Variants in TRAPPC12 observed in about 807,000 individuals in gnomAD.
The protein encoded by TRAPPC12 is trafficking protein particle complex subunit 12, also known as TPR repeat protein 15.
A neutral mutation model predicts 69.2 loss-of-function variants in TRAPPC12; 61 were observed. The ratio of observed to expected loss-of-function variants is 0.88; its 90% CI spans 0.72 to 1.09. The LOEUF (loss-of-function observed/expected upper bound fraction) is 1.09, where lower values mean the gene tolerates loss of function less well. Ranked by LOEUF, TRAPPC12 falls within the 50% of genes least tolerant of loss-of-function variation. The pLI, the probability that TRAPPC12 is intolerant of heterozygous loss-of-function variation, is 0.00. For missense variants in TRAPPC12, 1,101 were observed against 1,016.4 expected (o/e 1.08, Z -1.13); for synonymous variants, 469 against 438.9 (o/e 1.07, Z -0.86).
chr2:3,388,464 G>T lies in TRAPPC12; in HGVS notation c.841G>T (p.Ala281Ser), dbSNP rs142941546. 9 of 1,611,880 alleles carry T rather than the reference G, an allele frequency of 5.6e-6. No homozygotes were observed. Among genetic ancestry groups the T allele is most frequent in the Non-Finnish European group, 6.8e-6 (8 of 1,179,434 alleles). The part of the protein sequence containing the change: ...AAPPASPEPF[A>S]HIQAVFAGSD... ...GCCCCCGGCGTCGCCAGAGCCTTTC[G>T]CGCACATCCAGGCAGTGTTTGCAGG... Residue 281 changes from alanine (A) to serine (S), a missense_variant, in exon 2 of 12, where the codon GCG becomes TCG. Physicochemically the swap from Ala to Ser is moderately conservative, Grantham distance 99. Transcript: ENST00000324266.
chr2:3,388,892 A>G (rs2103433252), intron 2 of TRAPPC12: 2 of 478,312 alleles, frequency 4.2e-6, no homozygotes, highest in East Asian at 3.4e-5. Flanking sequence ...AGGTAGAAAT[A>G]AATACCACCA....
chr2:3,459,512 G>A (rs13398323), intron 7 of TRAPPC12, among the ~76,000 whole-genome samples: 1 of 152,186 alleles, frequency 6.6e-6, no homozygotes, highest in Non-Finnish European at 1.5e-5. Flanking sequence ...CCCCAAGAAG[G>A]CCACAAAGCC....
chr2:3,396,071 G>T (rs987183409), intron 2 of TRAPPC12, among the ~76,000 whole-genome samples: 76 of 152,148 alleles, frequency 5.0e-4, no homozygotes, highest in African/African-American at 1.6e-3. Context: ...CACCACATTG[G>T]CCAGGCTGGT....
chr2:3,423,322 TTG>T (rs34767789), intron 4 of TRAPPC12, among the ~76,000 whole-genome samples: 7,336 of 148,964 alleles, frequency 0.049, 237 homozygotes, highest in African/African-American at 0.077. Flanking sequence ...TCGCATGCCT[TTG>T]TGTGTGTGTG....
In TRAPPC12 at chr2:3,390,544, A is replaced by G. The variant is rs763302863; in HGVS notation, c.1047+1874A>G. On this transcript the variant is annotated intron_variant, in intron 2 of 11. Coordinates refer to ENST00000324266, the MANE Select transcript of TRAPPC12 (RefSeq NM_016030.6). ...TGACTCACCTCATCTTTGCAATGGA[A>G]TATTTATGTAAGTTTTTAAAATGAT... Among the ~76,000 whole-genome samples the G allele has an allele frequency of 9.9e-5, 15 of 152,222 alleles. 1 individual carries two copies. Among genetic ancestry groups the G allele is most frequent in the Non-Finnish European group, 1.9e-4 (13 of 68,022 alleles).
chr2:3,424,090 G>A (rs1174751437), intron 4 of TRAPPC12, among the ~76,000 whole-genome samples: 1 of 152,196 alleles, frequency 6.6e-6, no homozygotes, highest in Non-Finnish European at 1.5e-5. Flanking sequence ...ACTAGGTGGC[G>A]CATTCCTTTG....
At chr2:3,416,192 C>A (rs1449146699) in intron 3 of TRAPPC12, among the ~76,000 whole-genome samples, 1 of 152,124 alleles carries the variant, frequency 6.6e-6, no homozygotes, top group South Asian at 2.1e-4. Context: ...TTAGTAGATG[C>A]TTCTTAAGTG....
At chr2:3,383,538 C>T (rs1040329062) in intron 1 of TRAPPC12, among the ~76,000 whole-genome samples, 3 of 151,564 alleles carry the variant, frequency 2.0e-5, no homozygotes, top group Admixed American at 2.0e-4. Context: ...AGCAGAGTAG[C>T]TGGGATTACA....
chr2:3,451,952 G>GGCA (rs1664874128), intron 6 of TRAPPC12, among the ~76,000 whole-genome samples: 1 of 152,180 alleles, frequency 6.6e-6, no homozygotes, highest in Non-Finnish European at 1.5e-5. Context: ...CCTGTGTGTT[G>GGCA]ACCATCAGTT....
At chr2:3,436,622 C>G (rs184295785) in intron 5 of TRAPPC12, among the ~76,000 whole-genome samples, 1 of 152,090 alleles carries the variant, frequency 6.6e-6, no homozygotes, top group African/African-American at 2.4e-5. Context: ...AGGGCTCACT[C>G]TTGGTGTTGT....
chr2:3,475,364 C>T (rs564253400), intron 9 of TRAPPC12, among the ~76,000 whole-genome samples: 63 of 152,112 alleles, frequency 4.1e-4, no homozygotes, highest in Non-Finnish European at 6.9e-4. Context: ...CCTCCCACCT[C>T]GGCCTCCCAA....
At chr2:3,442,418 A>G (rs545857418) in intron 5 of TRAPPC12, among the ~76,000 whole-genome samples, 9 of 152,318 alleles carry the variant, frequency 5.9e-5, no homozygotes, top group Admixed American at 1.3e-4. Flanking sequence ...CCACAGTGAC[A>G]TGACTTACAT....
intron 10 of TRAPPC12, chr2:3,478,099 T>TTCTGGATCCTGTGCTCTGGTGTTCTGTG: frequency 4.8e-6 from 1 of 208,828 alleles, no homozygotes; most frequent in Non-Finnish European, 9.4e-6. Flanking sequence ...GTAGCGGCCG[T>TTCTGGATCCTGTGCTCTGGTGTTCTGTG]TCTGGATCCT....
chr2:3,410,970 C>T (rs1199966609), intron 3 of TRAPPC12, among the ~76,000 whole-genome samples: 1 of 152,168 alleles, frequency 6.6e-6, no homozygotes, highest in Non-Finnish European at 1.5e-5. Flanking sequence ...GCGGAGGTTG[C>T]AGTGAGCCAA....
intron 3 of TRAPPC12, among the ~76,000 whole-genome samples, chr2:3,417,594 C>T (rs1271504266): frequency 6.6e-6 from 1 of 152,108 alleles, no homozygotes; most frequent in African/African-American, 2.4e-5. Context: ...CCTTGTGTCC[C>T]CCCGAGCCTA....
intron 5 of TRAPPC12, among the ~76,000 whole-genome samples, chr2:3,425,284 C>G (rs1020556533): frequency 2.0e-5 from 3 of 152,098 alleles, no homozygotes; most frequent in African/African-American, 7.2e-5. Context: ...GGTGGAGAAC[C>G]TCATAAATAT....
chr2:3,474,587 G>C (rs954791345), intron 9 of TRAPPC12, among the ~76,000 whole-genome samples: 1 of 152,236 alleles, frequency 6.6e-6, no homozygotes, highest in Non-Finnish European at 1.5e-5. Flanking sequence ...CTGACCATGT[G>C]TTGCTCTTAA....
intron 3 of TRAPPC12, among the ~76,000 whole-genome samples, chr2:3,421,013 C>T (rs561048966): frequency 5.3e-5 from 8 of 152,294 alleles, no homozygotes; most frequent in African/African-American, 1.4e-4. Flanking sequence ...CACTAACCTC[C>T]CCGCCAGCCT....
At chr2:3,468,221 C>T (rs565946326) in intron 9 of TRAPPC12, among the ~76,000 whole-genome samples, 1 of 152,010 alleles carries the variant, frequency 6.6e-6, no homozygotes, top group African/African-American at 2.4e-5. Flanking sequence ...CCTGCCCATT[C>T]TTGAGGGCTC....
Sources: gnomAD v4.1 joint callset for allele counts (sites outside exome capture counted in the v4.1 genomes callset) on GRCh38, gnomAD v4.1.1 for gene constraint, MANE v1.5 for transcripts, NCBI Gene and HGNC (gene_info 2026-07-23, HGNC 2026-07-21) for gene names.